Variants in TMEM145 observed in about 807,000 individuals in gnomAD.
TMEM145 encodes the protein transmembrane protein 145.
A neutral mutation model predicts 68.5 loss-of-function variants in TMEM145; 46 were observed. That is an observed-to-expected ratio of 0.67 (90% CI 0.53 to 0.86). The LOEUF (loss-of-function observed/expected upper bound fraction) is 0.86, where lower values mean the gene tolerates loss of function less well. TMEM145 is among the 40% of genes least tolerant of loss of function. The pLI, the probability that TMEM145 is intolerant of heterozygous loss-of-function variation, is 0.00. For missense variants in TMEM145, 570 were observed against 645.8 expected (o/e 0.88, Z 1.27); for synonymous variants, 255 against 280.2 (o/e 0.91, Z 0.90).
chr19:42,315,783 G>A (rs1018176522), intron 8 of TMEM145, among the ~76,000 whole-genome samples: 1 of 152,070 alleles, frequency 6.6e-6, no homozygotes, highest in Non-Finnish European at 1.5e-5. Flanking sequence ...TGTAATCCTA[G>A]CACTTGGGGA....
At chr19:42,324,637 TC>T in intron 14 of TMEM145, 99 bp from the exon 15 acceptor site, 1 of 1,129,610 alleles carries the variant, frequency 8.9e-7, no homozygotes, top group Non-Finnish European at 1.1e-6. Flanking sequence ...TCCCGACCCT[TC>T]CCACCCCGCG....
At chr19:42,315,493 C>T (rs1160780204) in intron 8 of TMEM145, 53 bp downstream of exon 8, 3 of 1,589,326 alleles carry the variant, frequency 1.9e-6, no homozygotes, top group Admixed American at 3.4e-5. Context: ...CACTTGGGGC[C>T]AGACACCTGG....
rs773168517 is a variant in TMEM145, at chr19:42,315,125, G to A, written c.505+48G>A. Reference sequence around the variant, plus strand: ...ACCAGGCTCTCTGTGGGACACCAGAGCTGGGTGCCCACTGAGGGGACATCC... The same window carrying A: ...ACCAGGCTCTCTGTGGGACACCAGAACTGGGTGCCCACTGAGGGGACATCC... On this transcript the variant is annotated intron_variant, in intron 6 of 14. Transcript: ENST00000301204. The A allele has an allele frequency of 1.5e-5, 24 of 1,614,056 alleles. No homozygotes were observed. In the African/African-American group the frequency reaches 2.7e-4, roughly 18 times the overall value.
At chr19:42,324,509 A>G in intron 14 of TMEM145, 2 of 985,030 alleles carry the variant, frequency 2.0e-6, no homozygotes, top group South Asian at 9.4e-5. Context: ...GGCCGGGGGC[A>G]CTGCACCCCC....
chr19:42,325,045 G>T lies in TMEM145; in HGVS notation c.*228G>T, dbSNP rs948624315. 1 of 622,428 alleles carries T rather than the reference G, an allele frequency of 1.6e-6. No homozygotes were observed. Among genetic ancestry groups the T allele is most frequent in the East Asian group, 3.7e-5 (1 of 26,908 alleles). The allele number at this position is 622,428 out of a possible 1,614,324, so 38.6% of individuals were successfully genotyped here. ...TACCCCTTCTTGCCAAAATAAAAAA[G>T]GATTCGTTTTTATCTATAACATGGC... On this transcript the variant is annotated 3_prime_UTR_variant, in exon 15 of 15. Coordinates refer to ENST00000301204, the MANE Select transcript of TMEM145 (RefSeq NM_173633.3).
At chr19:42,323,390 G>A (rs1399280621) in intron 13 of TMEM145, among the ~76,000 whole-genome samples, 193 bp from the exon 14 acceptor site, 6 of 152,206 alleles carry the variant, frequency 3.9e-5, no homozygotes, top group South Asian at 2.1e-4. Flanking sequence ...AGCACAGGCC[G>A]AGTTTTGTTG....
In TMEM145 at chr19:42,315,389, C is replaced by T; in HGVS notation, c.595C>T (p.Gln199Ter). The T allele has an allele frequency of 1.9e-6, 3 of 1,614,158 alleles. No homozygotes were observed. The highest frequency in any genetic ancestry group is 2.5e-6 in the Non-Finnish European group (3 of 1,180,022). The change falls in exon 8 of 15, where the codon CAG (glutamine) becomes TAG (stop). Residue 199 changes from glutamine (Q) to a stop codon, truncating the protein, a stop_gained. Coordinates refer to ENST00000301204, the MANE Select transcript of TMEM145 (RefSeq NM_173633.3). LOFTEE classifies it high-confidence loss of function. Reference protein sequence around the residue: ...CYFGYLLKGRQLLHTTYKMFM... With the variant: ...CYFGYLLKGR ...CTTCCTAGATTTGCTGAAAGGTCGT[C>T]AGTTGCTCCACACAACTTATAAAAT... is the stretch of plus-strand genomic sequence containing the variant.
At chr19:42,317,964 A>G (rs938400195) in intron 12 of TMEM145, 83 bp downstream of exon 12, 3 of 1,454,750 alleles carry the variant, frequency 2.1e-6, no homozygotes, top group African/African-American at 1.4e-5. Context: ...CAGACCCTCC[A>G]TAGTGAGGGA....
At chr19:42,314,766 G>C (rs369265770) in intron 4 of TMEM145, 26 bp from the exon 5 acceptor site, 86 of 1,614,076 alleles carry the variant, frequency 5.3e-5, no homozygotes, top group Non-Finnish European at 7.3e-5. Flanking sequence ...TCAAGGACAG[G>C]CTTCAGCCTT....
intron 12 of TMEM145, among the ~76,000 whole-genome samples, chr19:42,318,472 G>T (rs2038881458): frequency 6.6e-6 from 1 of 151,528 alleles, no homozygotes; most frequent in Non-Finnish European, 1.5e-5. Context: ...GATCACCTGA[G>T]GTCAGGAGTT....
At chr19:42,317,160 C>T (rs946783769) in intron 11 of TMEM145, among the ~76,000 whole-genome samples, 197 bp downstream of exon 11, 20 of 152,204 alleles carry the variant, frequency 1.3e-4, no homozygotes, top group African/African-American at 4.3e-4. Flanking sequence ...TTTCTTTCTC[C>T]TCCCTCTGTC....
chr19:42,315,162 C>T, intron 6 of TMEM145, 26 bp from the exon 7 acceptor site: 4 of 1,613,380 alleles, frequency 2.5e-6, no homozygotes, highest in Non-Finnish European at 3.4e-6. Context: ...CCTGAATGAA[C>T]CTTACTCCTC....
chr19:42,318,544 G>A (rs1016429562), intron 12 of TMEM145, among the ~76,000 whole-genome samples: 5 of 150,708 alleles, frequency 3.3e-5, no homozygotes, highest in East Asian at 3.9e-4. Context: ...AAAATTAGCC[G>A]GGCATGCTGG....
rs1019180457 is a variant in TMEM145 at position 42,322,944 on chromosome 19, G to A, written c.1195-639G>A. On this transcript the variant is annotated intron_variant, in intron 13 of 14. Transcript: ENST00000301204. ...TCAAACTCCTGACCTCAGGTGATCC[G>A]CCCGCCTCGGCCTCCCCAAGTGCTG... 2.0e-5 allele frequency among the ~76,000 whole-genome samples: 3 copies of A among 151,956 alleles called. No individual in the cohort carries two copies. The East Asian group carries it at 5.8e-4, about 29-fold the overall frequency.
intron 11 of TMEM145, 49 bp downstream of exon 11, chr19:42,317,012 C>A: frequency 6.5e-7 from 1 of 1,527,328 alleles, no homozygotes. Context: ...CTGCTTTTGG[C>A]GCCGCCTCCC....
chr19:42,316,591 G>A, intron 9 of TMEM145, 30 bp downstream of exon 9: 1 of 1,613,820 alleles, frequency 6.2e-7, no homozygotes, highest in Non-Finnish European at 8.5e-7. Context: ...GGGAGAGGGT[G>A]GAGCCCAGGG....
At chr19:42,321,228 T>TC in intron 13 of TMEM145, 2 of 144,838 alleles carry the variant, frequency 1.4e-5, no homozygotes, top group East Asian at 3.6e-4. Context: ...GCACCACATC[T>TC]TTTTTTTTTT....
rs182961138 is a variant in TMEM145 at position 42,317,052 on chromosome 19, A to G, written c.900+89A>G. The G allele has an allele frequency of 1.6e-5, 18 of 1,108,114 alleles. No individual in the cohort carries two copies. The East Asian group carries it at 4.1e-4, about 25-fold the overall frequency. 68.6% of individuals were successfully genotyped at this position (1,108,114 alleles called of 1,614,324 possible). A position where few individuals can be genotyped will look rare whatever the true frequency, so the allele number is the denominator to read the frequency against. On this transcript the variant is annotated intron_variant, in intron 11 of 14. Coordinates refer to ENST00000301204, the MANE Select transcript of TMEM145 (RefSeq NM_173633.3). ...GACCTGTCTGCTCGCCCTTGCCCAC[A>G]TCCTGCTCCTGCTGGCTCGCTCTCT...
intron 12 of TMEM145, among the ~76,000 whole-genome samples, chr19:42,320,094 G>C (rs144425699): frequency 1.3e-5 from 2 of 152,166 alleles, no homozygotes; most frequent in Non-Finnish European, 2.9e-5. Flanking sequence ...CAGGATTTGG[G>C]GTGGTGTGGA....
Sources: allele counts gnomAD v4.1 joint callset (sites outside exome capture counted in the v4.1 genomes callset), GRCh38; gene constraint gnomAD v4.1.1; transcripts MANE v1.5; gene names NCBI Gene and HGNC (gene_info 2026-07-23, HGNC 2026-07-21).